The following TLCD3A variants were observed in gnomAD, a reference collection of about 807,000 sequenced individuals.
The protein encoded by TLCD3A is TLC domain-containing protein 3A.
Under a neutral mutation model 29.9 loss-of-function variants are expected in TLCD3A, and 17 were observed. The observed-to-expected ratio is 0.57, with a 90% CI of 0.39 to 0.85. The LOEUF (loss-of-function observed/expected upper bound fraction) is 0.85, where lower values mean the gene tolerates loss of function less well. Ranked by LOEUF, TLCD3A falls within the 40% of genes least tolerant of loss-of-function variation. The pLI, the probability that TLCD3A is intolerant of heterozygous loss-of-function variation, is 0.00. For missense variants in TLCD3A, 332 were observed against 350.8 expected, an observed-to-expected ratio of 0.95 and a Z score of 0.43; for synonymous variants, 143 against 147.7, an observed-to-expected ratio of 0.97 and a Z score of 0.23.
chr17:737,051 G>C (rs937081896), intron 2 of TLCD3A, among the ~76,000 whole-genome samples: 1 of 150,352 alleles, frequency 6.7e-6, no homozygotes, highest in Admixed American at 6.7e-5. Context: ...TCACTCTGTC[G>C]CCCAGGCTGG....
rs776980251 is a variant in TLCD3A at position 737,932 on chromosome 17, G to A, written c.293G>A (p.Arg98Gln). Residue 98 changes from arginine (R) to glutamine (Q), a missense_variant, in exon 3 of 5, where the codon CGA becomes CAA. Transcript: ENST00000308278. ...GCCATGTACCTCTGTGAATGGTGCCGAACCAGAGACCAGAACCGTGCGCCC... is the reference window on the plus strand; with the variant it reads ...GCCATGTACCTCTGTGAATGGTGCCAAACCAGAGACCAGAACCGTGCGCCC... The part of the protein sequence containing the change: ...SYAMYLCEWC[R>Q]TRDQNRAPSL... 27 of 1,613,734 alleles carry A rather than the reference G, an allele frequency of 1.7e-5. No homozygotes were observed. The highest frequency in any genetic ancestry group is 1.6e-4 in the Middle Eastern group (1 of 6,084).
chr17:740,425 T>C lies in TLCD3A; in HGVS notation c.409-80T>C, dbSNP rs1043001387. 24 of 1,046,216 alleles carry C rather than the reference T, an allele frequency of 2.3e-5. No homozygotes were observed. In the East Asian group the frequency reaches 5.7e-4, roughly 25 times the overall value. 64.8% of individuals were successfully genotyped at this position (1,046,216 alleles called of 1,614,324 possible). A position where few individuals can be genotyped will look rare whatever the true frequency, so the allele number is the denominator to read the frequency against. On this transcript the variant is annotated intron_variant, in intron 3 of 4. Coordinates refer to ENST00000308278, the MANE Select transcript of TLCD3A (RefSeq NM_024792.3). ...CCTTTGCCCGTCACAGTTACCCTTT[T>C]CAGTAGCCCTCGTTGGAATTTTCCT...
chr17:735,986 CAA>C lies in TLCD3A; in HGVS notation c.207-1841_207-1840del, dbSNP rs55943725. Among the ~76,000 whole-genome samples the C allele has an allele frequency of 4.2e-3, 448 of 107,234 alleles. 4 individuals carry two copies. The highest frequency in any genetic ancestry group is 0.012 in the African/African-American group (317 of 27,270). The allele number at this position is 107,234 out of a possible 152,430, so 70.3% of individuals were successfully genotyped here. A position where few individuals can be genotyped will look rare whatever the true frequency, so the allele number is the denominator to read the frequency against. ...AAGATTTTGTCTCAAAAACCAAAAC[CAA>C]AAAAAAAAAAAAAAAAAAGGAACCT... is the stretch of plus-strand genomic sequence containing the variant. On this transcript the variant is annotated intron_variant, in intron 2 of 4. Coordinates refer to ENST00000308278, the MANE Select transcript of TLCD3A (RefSeq NM_024792.3).
At chr17:735,158 G>C (rs1265133048) in intron 2 of TLCD3A, among the ~76,000 whole-genome samples, 4 of 152,112 alleles carry the variant, frequency 2.6e-5, no homozygotes, top group Non-Finnish European at 5.9e-5. Flanking sequence ...GAGTAGCTGA[G>C]GTTACAGGCA....
chr17:735,986 C>CAAAA (rs55943725), intron 2 of TLCD3A, among the ~76,000 whole-genome samples: 7 of 107,270 alleles, frequency 6.5e-5, no homozygotes, highest in East Asian at 5.5e-4. Flanking sequence ...AAACCAAAAC[C>CAAAA]AAAAAAAAAA....
chr17:735,396 A>G (rs1974138777), intron 2 of TLCD3A, among the ~76,000 whole-genome samples: 1 of 152,234 alleles, frequency 6.6e-6, no homozygotes, highest in East Asian at 1.9e-4. Context: ...TTTTACAAAG[A>G]AAGTTAAATC....
intron 2 of TLCD3A, among the ~76,000 whole-genome samples, chr17:736,351 C>T (rs555210267): frequency 1.6e-4 from 25 of 152,252 alleles, no homozygotes; most frequent in African/African-American, 5.5e-4. Flanking sequence ...GCGCATCAAA[C>T]GTTTGCTGAC....
In TLCD3A at chr17:740,457, G is replaced by A. The variant is rs1354398520; in HGVS notation, c.409-48G>A. 2.1e-6 allele frequency: 3 copies of A among 1,422,314 alleles called. No individual in the cohort carries two copies. The South Asian group carries it at 3.4e-5, about 16-fold the overall frequency. The allele number at this position is 1,422,314 out of a possible 1,614,324, so 88.1% of individuals were successfully genotyped here. On this transcript the variant is annotated intron_variant, in intron 3 of 4. Coordinates refer to ENST00000308278, the MANE Select transcript of TLCD3A (RefSeq NM_024792.3). ...CCCTCGTTGGAATTTTCCTTCTGGT[G>A]GTTTCTTAACCTCCACTTACTTCCC...
At chr17:735,923 T>C (rs1202793544) in intron 2 of TLCD3A, among the ~76,000 whole-genome samples, 1 of 145,398 alleles carries the variant, frequency 6.9e-6, no homozygotes, top group African/African-American at 2.5e-5. Flanking sequence ...TGCAGTGAGC[T>C]GAGATCGCGC....
Position 732,608 on chromosome 17 carries a change from G to C in TLCD3A, c.-40G>C. On this transcript the variant is annotated 5_prime_UTR_variant, in exon 1 of 5. Transcript: ENST00000308278. ...GCCGGGGCGCGCCGAGCCGAACCCA[G>C]CCACGCGGCGCCAGCGAGGCGGCCG... 1 of 1,203,494 alleles carries C rather than the reference G, an allele frequency of 8.3e-7. No individual in the cohort carries two copies. The highest frequency in any genetic ancestry group is 1.0e-6 in the Non-Finnish European group (1 of 969,694). 74.6% of individuals were successfully genotyped at this position (1,203,494 alleles called of 1,614,324 possible).
chr17:737,255 A>G (rs969042885), intron 2 of TLCD3A, among the ~76,000 whole-genome samples: 2 of 150,936 alleles, frequency 1.3e-5, no homozygotes, highest in Non-Finnish European at 3.0e-5. Context: ...CAAGTGATCC[A>G]CCCGCCTCAG....
chr17:736,409 T>G (rs544617675), intron 2 of TLCD3A, among the ~76,000 whole-genome samples: 1 of 152,342 alleles, frequency 6.6e-6, no homozygotes, highest in South Asian at 2.1e-4. Flanking sequence ...TTTAGATGTT[T>G]CTTCACAGAA....
At chr17:734,207 C>T (rs1974120052) in intron 2 of TLCD3A, among the ~76,000 whole-genome samples, 1 of 151,162 alleles carries the variant, frequency 6.6e-6, no homozygotes, top group Admixed American at 6.6e-5. Context: ...TTTTTAAAGA[C>T]AGGGTCTCAC....
At chr17:740,761 G>A (rs1195766995) in intron 4 of TLCD3A, among the ~76,000 whole-genome samples, 161 bp downstream of exon 4, 1 of 152,222 alleles carries the variant, frequency 6.6e-6, no homozygotes, top group Admixed American at 6.5e-5. Flanking sequence ...GGCAGAGAGA[G>A]TGAGGGTTCT....
chr17:739,805 G>A (rs1201895978), intron 3 of TLCD3A, among the ~76,000 whole-genome samples: 1 of 152,186 alleles, frequency 6.6e-6, no homozygotes, highest in African/African-American at 2.4e-5. Context: ...AAAGAGGCCG[G>A]GCGAGGTGGC....
At position 738,061 on chromosome 17, in the gene TLCD3A, G is replaced by A; in HGVS notation, c.408+14G>A. Reference sequence around the variant, plus strand: ...CCAGTCGCACAGGTATGGCCTTCCAGGACAGCAGACCAGCAGCTGGGTTGA... The same window carrying A: ...CCAGTCGCACAGGTATGGCCTTCCAAGACAGCAGACCAGCAGCTGGGTTGA... On this transcript the variant is annotated intron_variant, in intron 3 of 4. Coordinates refer to ENST00000308278, the MANE Select transcript of TLCD3A (RefSeq NM_024792.3). The A allele has an allele frequency of 7.0e-7, 1 of 1,419,312 alleles. No individual in the cohort carries two copies. The highest frequency in any genetic ancestry group is 9.8e-7 in the Non-Finnish European group (1 of 1,018,882). The allele number at this position is 1,419,312 out of a possible 1,614,324, so 87.9% of individuals were successfully genotyped here.
rs937582303 is a variant in TLCD3A, at chr17:738,042, G to A, written c.403G>A (p.Ala135Thr). ...AVILFVLVPV[A>T]QRLRGDLGDF... ...CATTCTCTTTGTCCTTGTGCCAGTC[G>A]CACAGGTATGGCCTTCCAGGACAGC... The change falls in exon 3 of 5, where the codon GCA becomes ACA. Residue 135 changes from alanine (A) to threonine (T), a missense_variant. Ala to Thr is a moderately conservative substitution (Grantham distance 58). Coordinates refer to ENST00000308278, the MANE Select transcript of TLCD3A (RefSeq NM_024792.3). The A allele has an allele frequency of 7.5e-6, 12 of 1,597,044 alleles. No homozygotes were observed. The highest frequency in any genetic ancestry group is 2.2e-5 in the South Asian group (2 of 90,744).
At position 740,536 on chromosome 17, in the gene TLCD3A, T is replaced by A; in HGVS notation, c.440T>A (p.Val147Asp). 6.2e-7 allele frequency: 1 copy of A among 1,614,144 alleles called. No individual in the cohort carries two copies. Among genetic ancestry groups the A allele is most frequent in the Non-Finnish European group, 8.5e-7 (1 of 1,180,004 alleles). Residue 147 changes from valine to aspartate, a missense_variant, in exon 4 of 5, where the codon GTC becomes GAC. Val to Asp is a radical substitution (Grantham distance 152, BLOSUM62 -3). Transcript: ENST00000308278. ...CGGGGAGACCTTGGGGACTTCTTTG[T>A]CGGCTGCATCTTCACGGCAGAACTG... ...RLRGDLGDFF[V>D]GCIFTAELST...
Position 742,842 on chromosome 17 carries a change from C to CTGT in TLCD3A, c.*1275_*1277dup, listed in dbSNP as rs1478435432. On this transcript the variant is annotated 3_prime_UTR_variant, in exon 5 of 5. Transcript: ENST00000308278. ...AAAGGACTGATTTGTCTCATTTTGA[C>CTGT]TGTTGAGTCTTTAATGGGTGCCATT... 2.0e-5 allele frequency: 3 copies of CTGT among 152,420 alleles called. No homozygotes were observed. The highest frequency in any genetic ancestry group is 7.2e-5 in the African/African-American group (3 of 41,388). The allele number at this position is 152,420 out of a possible 1,614,324, so 9.4% of individuals were successfully genotyped here.
Sources: gnomAD v4.1 joint callset for allele counts (sites outside exome capture counted in the v4.1 genomes callset) on GRCh38, gnomAD v4.1.1 for gene constraint, MANE v1.5 for transcripts, NCBI Gene and HGNC (gene_info 2026-07-23, HGNC 2026-07-21) for gene names.